Variants in GRB14 observed in about 807,000 individuals in gnomAD.
GRB14 encodes growth factor receptor bound protein 14, also known as growth factor receptor-bound protein 14.
A neutral mutation model predicts 69.1 loss-of-function variants in GRB14; 38 were observed. That is an observed-to-expected ratio of 0.55 (90% CI 0.42 to 0.72). The LOEUF is 0.72. Ranked by LOEUF, GRB14 falls within the 30% of genes least tolerant of loss-of-function variation. GRB14 has a pLI of 0.00. For synonymous variants in GRB14, 247 were observed against 241.3 expected, an observed-to-expected ratio of 1.02 and a Z score of -0.22; for missense variants, 666 against 666.1, an observed-to-expected ratio of 1.00 and a Z score of 0.00.
intron 6 of GRB14, among the ~76,000 whole-genome samples, chr2:164,520,476 T>A (rs759306154): frequency 6.6e-6 from 1 of 151,512 alleles, no homozygotes; most frequent in Non-Finnish European, 1.5e-5. Context: ...GAACCCAAAA[T>A]CAAATGAAAC....
At chr2:164,574,241 CTTT>C (rs769386864) in intron 2 of GRB14, among the ~76,000 whole-genome samples, 13 of 137,042 alleles carry the variant, frequency 9.5e-5, no homozygotes, top group Non-Finnish European at 8.0e-5. Context: ...GAAAAATTAT[CTTT>C]TTTTTTTTTT....
chr2:164,585,626 T>A (rs1268767355), intron 2 of GRB14, among the ~76,000 whole-genome samples: 1 of 152,204 alleles, frequency 6.6e-6, no homozygotes, highest in East Asian at 1.9e-4. Context: ...CTTAGTCATG[T>A]TAATCATGTC....
intron 3 of GRB14, among the ~76,000 whole-genome samples, chr2:164,544,252 T>A (rs1407851815): frequency 6.6e-6 from 1 of 152,214 alleles, no homozygotes; most frequent in African/African-American, 2.4e-5. Flanking sequence ...TGTTCCACTT[T>A]CAGCTTTTGC....
chr2:164,598,521 C>A (rs1365265710), intron 2 of GRB14, among the ~76,000 whole-genome samples: 1 of 152,084 alleles, frequency 6.6e-6, no homozygotes, highest in African/African-American at 2.4e-5. Context: ...TTTTTATAAT[C>A]GTTTACATAG....
chr2:164,537,899 TGAG>T (rs1688119766), intron 3 of GRB14, among the ~76,000 whole-genome samples: 2 of 152,106 alleles, frequency 1.3e-5, no homozygotes, highest in South Asian at 4.1e-4. Flanking sequence ...TCTGCTGTGA[TGAG>T]GGTGGTCACA....
chr2:164,512,878 CT>C (rs1687375998), intron 6 of GRB14, among the ~76,000 whole-genome samples: 2 of 152,190 alleles, frequency 1.3e-5, no homozygotes, highest in Non-Finnish European at 2.9e-5. Flanking sequence ...CATTTGTTTG[CT>C]TCATCCTCAA....
intron 3 of GRB14, among the ~76,000 whole-genome samples, chr2:164,537,733 G>A (rs1301967937): frequency 1.3e-5 from 2 of 152,138 alleles, no homozygotes; most frequent in African/African-American, 2.4e-5. Flanking sequence ...TTTAGTTGTG[G>A]GCACTTACTA....
chr2:164,586,495 C>T (rs1689543547), intron 2 of GRB14, among the ~76,000 whole-genome samples: 1 of 152,158 alleles, frequency 6.6e-6, no homozygotes, highest in African/African-American at 2.4e-5. Flanking sequence ...TAGACTTCTA[C>T]CTTAAAACAA....
intron 3 of GRB14, among the ~76,000 whole-genome samples, chr2:164,536,257 A>G (rs911605648): frequency 6.6e-6 from 1 of 152,222 alleles, no homozygotes. Flanking sequence ...TCCCAGCTCC[A>G]TGGAATTACT....
At chr2:164,577,961 G>A (rs1258232082) in intron 2 of GRB14, among the ~76,000 whole-genome samples, 3 of 152,226 alleles carry the variant, frequency 2.0e-5, no homozygotes, top group South Asian at 2.1e-4. Context: ...ATGGCCGGGC[G>A]TGGTGGCTCA....
At chr2:164,493,295 A>AAGAC (rs1241326367) in intron 13 of GRB14, 113 bp from the exon 14 acceptor site, 1 of 886,500 alleles carries the variant, frequency 1.1e-6, no homozygotes, top group African/African-American at 1.7e-5. Context: ...ATAAAACTAA[A>AAGAC]AGACAGTGAA....
chr2:164,607,641 G>GAC (rs1690071925), intron 2 of GRB14, among the ~76,000 whole-genome samples: 1 of 152,116 alleles, frequency 6.6e-6, no homozygotes, highest in Non-Finnish European at 1.5e-5. Context: ...AACTGAAAAT[G>GAC]ACAAATTAGA....
At chr2:164,608,921 T>C (rs776191816) in intron 2 of GRB14, among the ~76,000 whole-genome samples, 3 of 152,144 alleles carry the variant, frequency 2.0e-5, no homozygotes, top group Non-Finnish European at 2.9e-5. Flanking sequence ...AGGATGGGAA[T>C]TGACTGGAAT....
chr2:164,548,635 T>C (rs1574296838), intron 2 of GRB14, among the ~76,000 whole-genome samples: 1 of 152,186 alleles, frequency 6.6e-6, no homozygotes, highest in East Asian at 1.9e-4. Flanking sequence ...CAAATATCCA[T>C]ACTGTTTTTC....
chr2:164,579,835 A>C (rs1460292690), intron 2 of GRB14, among the ~76,000 whole-genome samples: 1 of 152,180 alleles, frequency 6.6e-6, no homozygotes, highest in South Asian at 2.1e-4. Context: ...CTTGATCTCT[A>C]GGAAGGAAAA....
At chr2:164,571,967 TTTGA>T (rs1340169156) in intron 2 of GRB14, among the ~76,000 whole-genome samples, 1 of 152,222 alleles carries the variant, frequency 6.6e-6, no homozygotes, top group Non-Finnish European at 1.5e-5. Context: ...CAAGCATTTG[TTTGA>T]TTAACCTGCT....
chr2:164,562,882 C>CTTTT (rs1203531041), intron 2 of GRB14, among the ~76,000 whole-genome samples: 1 of 152,176 alleles, frequency 6.6e-6, no homozygotes, highest in Non-Finnish European at 1.5e-5. Context: ...AACACACTTC[C>CTTTT]TAAAAACTCA....
At chr2:164,611,474 T>G (rs1690165452) in intron 2 of GRB14, among the ~76,000 whole-genome samples, 1 of 151,944 alleles carries the variant, frequency 6.6e-6, no homozygotes. Context: ...AGTAATCAAA[T>G]AAATGATTTG....
intron 2 of GRB14, among the ~76,000 whole-genome samples, chr2:164,611,533 G>A (rs967281904): frequency 1.3e-5 from 2 of 151,266 alleles, no homozygotes; most frequent in South Asian, 2.1e-4. Context: ...CGACCACCCC[G>A]TACCTATTAA....
Sources: gnomAD v4.1 joint callset for allele counts (sites outside exome capture counted in the v4.1 genomes callset) on GRCh38, gnomAD v4.1.1 for gene constraint, MANE v1.5 for transcripts, NCBI Gene and HGNC (gene_info 2026-07-23, HGNC 2026-07-21) for gene names.